PTPRD: variants seen among roughly 807,000 people sequenced by gnomAD.
The protein encoded by PTPRD is protein tyrosine phosphatase receptor type D.
A neutral mutation model predicts 214.5 loss-of-function variants in PTPRD; 34 were observed. The observed-to-expected ratio is 0.16, with a 90% CI of 0.12 to 0.21. The LOEUF is 0.21. Among genes scored for constraint, PTPRD ranks in the 10% least tolerant of loss-of-function variants. The pLI is 1.00. For missense variants in PTPRD, 2,545 were observed against 2,398.7 expected, an observed-to-expected ratio of 1.06 and a Z score of -1.27; for synonymous variants, 1,128 against 845.7, an observed-to-expected ratio of 1.33 and a Z score of -5.79.
At chr9:9,341,553 C>T in intron 9 of PTPRD, among the ~76,000 whole-genome samples, 1 of 152,038 alleles carries the variant, frequency 6.6e-6, no homozygotes, top group Middle Eastern at 3.2e-3. Flanking sequence ...GGATTTTGGA[C>T]TTCCACTTAC....
At chr9:9,184,189 T>C (rs1052747479) in intron 9 of PTPRD, among the ~76,000 whole-genome samples, 1 of 152,030 alleles carries the variant, frequency 6.6e-6, no homozygotes, top group African/African-American at 2.4e-5. Flanking sequence ...ATGAATCTCC[T>C]AGATGCTCCA....
chr9:9,652,417 C>T (rs995917200), intron 7 of PTPRD, among the ~76,000 whole-genome samples: 27 of 152,032 alleles, frequency 1.8e-4, no homozygotes, highest in African/African-American at 5.8e-4. Flanking sequence ...CATAATGAAA[C>T]GTAGGAACTT....
chr9:9,164,940 C>A (rs376948996), intron 10 of PTPRD, among the ~76,000 whole-genome samples: 2 of 151,720 alleles, frequency 1.3e-5, no homozygotes, highest in African/African-American at 2.4e-5. Flanking sequence ...GTAATCCCAG[C>A]TACTTGGGAG....
At chr9:10,499,454 A>G (rs1412292091) in intron 2 of PTPRD, among the ~76,000 whole-genome samples, 2 of 151,882 alleles carry the variant, frequency 1.3e-5, no homozygotes, top group East Asian at 3.9e-4. Context: ...CTTACCATCA[A>G]TCATACCGGA....
intron 3 of PTPRD, among the ~76,000 whole-genome samples, chr9:10,168,852 G>A (rs540987582): frequency 9.9e-5 from 15 of 152,022 alleles, no homozygotes; most frequent in Admixed American, 2.0e-4. Context: ...CACACACGGC[G>A]CTAGCAATTA....
chr9:10,570,881 CT>C (rs113757928), intron 2 of PTPRD, among the ~76,000 whole-genome samples: 3,816 of 140,684 alleles, frequency 0.027, 142 homozygotes, highest in African/African-American at 0.09. Flanking sequence ...GGTGAGTCTT[CT>C]TTTTTTTTTT....
chr9:8,912,490 C>A (rs1038278600), intron 11 of PTPRD, among the ~76,000 whole-genome samples: 1 of 152,052 alleles, frequency 6.6e-6, no homozygotes, highest in African/African-American at 2.4e-5. Flanking sequence ...CTGAGGTTGT[C>A]TGGGACCAGG....
chr9:8,917,693 T>C (rs2098796755), intron 11 of PTPRD, among the ~76,000 whole-genome samples: 1 of 152,152 alleles, frequency 6.6e-6, no homozygotes. Flanking sequence ...GGACTATAAA[T>C]ATAAACAAAC....
intron 2 of PTPRD, among the ~76,000 whole-genome samples, chr9:10,485,539 T>A (rs899708943): frequency 3.9e-5 from 6 of 152,072 alleles, no homozygotes; most frequent in Non-Finnish European, 7.4e-5. Flanking sequence ...ATTTCTTTCA[T>A]CAATATTGTA....
rs752774320 is a variant in PTPRD at position 8,499,815 on chromosome 9, G to A, written c.2154C>T (p.Val718=). The A allele has an allele frequency of 1.9e-5, 31 of 1,612,070 alleles. No individual in the cohort carries two copies. Among genetic ancestry groups the A allele is most frequent in the Non-Finnish European group, 2.5e-5 (29 of 1,179,258 alleles). ...ATGTTGAGTTGACAGCCTCTACCTC[G>A]ACTTTGCGAGGAGGACCACTAGGAA... ...EDVPSGPPRK[V]EVEAVNSTSV... The change falls in exon 25 of 46, where the codon GTC becomes GTT. Residue 718 remains valine (V), a synonymous_variant. Coordinates refer to ENST00000381196, the MANE Select transcript of PTPRD (RefSeq NM_002839.4).
chr9:9,714,031 G>A (rs1218542370), intron 7 of PTPRD, among the ~76,000 whole-genome samples: 1 of 142,878 alleles, frequency 7.0e-6, no homozygotes, highest in Non-Finnish European at 1.5e-5. Flanking sequence ...AGCTTATGCA[G>A]ATATATAAAT....
intron 8 of PTPRD, among the ~76,000 whole-genome samples, chr9:9,505,017 G>C (rs1346234246): frequency 6.6e-6 from 1 of 151,580 alleles, no homozygotes; most frequent in African/African-American, 2.4e-5. Context: ...AGACTAGCTG[G>C]AACTAGTAGT....
At chr9:9,172,072 A>C (rs373433383) in intron 10 of PTPRD, among the ~76,000 whole-genome samples, 4 of 152,156 alleles carry the variant, frequency 2.6e-5, no homozygotes, top group Non-Finnish European at 4.4e-5. Context: ...CCAGTGTACC[A>C]GTGATTTGAA....
chr9:9,208,790 A>G (rs989450596), intron 9 of PTPRD, among the ~76,000 whole-genome samples: 1 of 151,922 alleles, frequency 6.6e-6, no homozygotes, highest in African/African-American at 2.4e-5. Flanking sequence ...GAAGAAAGAA[A>G]CCCAGAGACA....
chr9:10,484,733 T>A (rs917831914), intron 2 of PTPRD, among the ~76,000 whole-genome samples: 1 of 152,056 alleles, frequency 6.6e-6, no homozygotes, highest in African/African-American at 2.4e-5. Context: ...TTTTCCTATA[T>A]AGTTGTTTGA....
At chr9:9,581,945 T>C (rs1367603201) in intron 7 of PTPRD, among the ~76,000 whole-genome samples, 1 of 152,162 alleles carries the variant, frequency 6.6e-6, no homozygotes, top group Non-Finnish European at 1.5e-5. Context: ...AAAACCATAA[T>C]AGATTTGATA....
chr9:10,083,988 T>C (rs1311762415), intron 3 of PTPRD, among the ~76,000 whole-genome samples: 4 of 151,970 alleles, frequency 2.6e-5, no homozygotes, highest in Admixed American at 2.6e-4. Context: ...AAGGTCATAC[T>C]TGGTCACTTA....
At chr9:10,346,602 A>G (rs1184288037) in intron 2 of PTPRD, among the ~76,000 whole-genome samples, 1 of 152,244 alleles carries the variant, frequency 6.6e-6, no homozygotes, top group Non-Finnish European at 1.5e-5. Flanking sequence ...GATTTTTTAA[A>G]CATTCATGAT....
chr9:10,163,970 C>T (rs2099143833), intron 3 of PTPRD, among the ~76,000 whole-genome samples: 2 of 151,254 alleles, frequency 1.3e-5, no homozygotes, highest in African/African-American at 4.8e-5. Context: ...GTATTGTAGT[C>T]TATATGGCAA....
Sources: gnomAD v4.1 joint callset for allele counts (sites outside exome capture counted in the v4.1 genomes callset) on GRCh38, gnomAD v4.1.1 for gene constraint, MANE v1.5 for transcripts, NCBI Gene and HGNC (gene_info 2026-07-23, HGNC 2026-07-21) for gene names.